The following SIPA1L3 variants were observed in gnomAD, a reference collection of about 807,000 sequenced individuals.
SIPA1L3 encodes the protein signal-induced proliferation-associated 1-like protein 3.
In SIPA1L3, 59 loss-of-function variants were observed where a neutral mutation model predicts 150.1. The observed-to-expected ratio is 0.39, with a 90% CI of 0.32 to 0.49. SIPA1L3 has a LOEUF of 0.49. SIPA1L3 is among the 20% of genes least tolerant of loss of function. The pLI is 0.86. For synonymous variants in SIPA1L3, 1,070 were observed against 1,077.6 expected (o/e 0.99, Z 0.14); for missense variants, 2,211 against 2,489.5 (o/e 0.89, Z 2.38).
intron 1 of SIPA1L3, among the ~76,000 whole-genome samples, chr19:37,913,872 A>G (rs532914126): frequency 1.5e-3 from 229 of 151,524 alleles, no homozygotes; most frequent in Non-Finnish European, 2.4e-3. Flanking sequence ...AAAATTAGCC[A>G]GGTGTGGTGA....
At chr19:38,049,798 G>A (rs912242298) in intron 2 of SIPA1L3, among the ~76,000 whole-genome samples, 33 of 152,088 alleles carry the variant, frequency 2.2e-4, no homozygotes, top group East Asian at 7.7e-4. Flanking sequence ...GGAGGGTCCC[G>A]CTTCCCCATA....
chr19:38,115,847 G>T (rs957209118), intron 8 of SIPA1L3, among the ~76,000 whole-genome samples: 6 of 152,248 alleles, frequency 3.9e-5, no homozygotes, highest in Non-Finnish European at 7.3e-5. Context: ...TGTTGATTTG[G>T]TATGTCCCTT....
At chr19:37,998,062 C>A (rs905028903) in intron 1 of SIPA1L3, among the ~76,000 whole-genome samples, 2 of 152,130 alleles carry the variant, frequency 1.3e-5, no homozygotes, top group Non-Finnish European at 2.9e-5. Context: ...AGTAGCTTTA[C>A]CTCTCTGTGC....
chr19:37,967,967 T>C, intron 1 of SIPA1L3, among the ~76,000 whole-genome samples: 1 of 152,142 alleles, frequency 6.6e-6, no homozygotes, highest in Non-Finnish European at 1.5e-5. Context: ...CCACTTACGT[T>C]ATTGATTCAT....
chr19:38,152,317 G>T (rs1293880651), intron 12 of SIPA1L3, among the ~76,000 whole-genome samples: 1 of 152,196 alleles, frequency 6.6e-6, no homozygotes, highest in Non-Finnish European at 1.5e-5. Flanking sequence ...GACAGCTAAG[G>T]AAACTGAGGC....
At chr19:38,094,908 A>T (rs921415794) in intron 4 of SIPA1L3, among the ~76,000 whole-genome samples, 2 of 152,012 alleles carry the variant, frequency 1.3e-5, no homozygotes, top group African/African-American at 4.8e-5. Context: ...CTCTACTAAA[A>T]ATACAAAAAT....
intron 1 of SIPA1L3, among the ~76,000 whole-genome samples, chr19:37,926,703 G>A (rs1050306129): frequency 5.3e-5 from 8 of 152,156 alleles, no homozygotes; most frequent in African/African-American, 1.7e-4. Context: ...GGGAGCGGGT[G>A]GGGGTGAAAT....
At chr19:38,063,916 C>A (rs1223167089) in intron 2 of SIPA1L3, among the ~76,000 whole-genome samples, 3 of 152,254 alleles carry the variant, frequency 2.0e-5, no homozygotes, top group Non-Finnish European at 4.4e-5. Context: ...GAGATCCCTG[C>A]AGGGCAGCCT....
intron 1 of SIPA1L3, among the ~76,000 whole-genome samples, chr19:38,004,646 C>G (rs1967894000): frequency 6.6e-6 from 1 of 152,228 alleles, no homozygotes; most frequent in Non-Finnish European, 1.5e-5. Flanking sequence ...TGCAAAACCT[C>G]AGAGCTCCTG....
chr19:38,188,171 TTTG>T (rs953893844), intron 16 of SIPA1L3, among the ~76,000 whole-genome samples: 29 of 151,872 alleles, frequency 1.9e-4, no homozygotes, highest in East Asian at 3.9e-4. Flanking sequence ...TTAAACATGT[TTTG>T]TTGTTGTGGT....
chr19:38,081,835 G>C lies in SIPA1L3; in HGVS notation c.270G>C (p.Arg90=). The change falls in exon 3 of 22, where the codon CGG becomes CGC. Residue 90 remains arginine, a synonymous_variant. Coordinates refer to ENST00000222345, the MANE Select transcript of SIPA1L3 (RefSeq NM_015073.3). ...RARVADWPPK[R]EALREHSNPS... ...GGGTGGCCGACTGGCCGCCCAAGCG[G>C]GAGGCCCTGAGAGAGCACAGCAACC... 6.2e-7 allele frequency: 1 copy of C among 1,613,870 alleles called. No homozygotes were observed. Among genetic ancestry groups the C allele is most frequent in the Non-Finnish European group, 8.5e-7 (1 of 1,179,894 alleles).
At chr19:37,990,998 T>G (rs1049674297) in intron 1 of SIPA1L3, among the ~76,000 whole-genome samples, 36 of 152,226 alleles carry the variant, frequency 2.4e-4, no homozygotes, top group African/African-American at 8.7e-4. Flanking sequence ...TTTGGGAGGC[T>G]GGGGTGGGCA....
intron 1 of SIPA1L3, chr19:37,932,345 G>C (rs1480750991): frequency 6.6e-6 from 1 of 152,274 alleles, no homozygotes; most frequent in Non-Finnish European, 1.5e-5. Flanking sequence ...TGATGAGTAA[G>C]GAGGCCTTTT....
chr19:38,151,538 C>T (rs1485277185), intron 12 of SIPA1L3, among the ~76,000 whole-genome samples: 2 of 152,134 alleles, frequency 1.3e-5, no homozygotes, highest in Non-Finnish European at 2.9e-5. Context: ...GTCTCATCAG[C>T]CAAAATTTTG....
intron 14 of SIPA1L3, among the ~76,000 whole-genome samples, chr19:38,163,227 C>T (rs964828575): frequency 7.9e-5 from 12 of 152,150 alleles, no homozygotes; most frequent in Admixed American, 7.2e-4. Flanking sequence ...CGGTGGCTCA[C>T]GCCTATAATC....
At chr19:38,016,973 T>A (rs1434117229) in intron 1 of SIPA1L3, among the ~76,000 whole-genome samples, 2 of 133,788 alleles carry the variant, frequency 1.5e-5, no homozygotes, top group Non-Finnish European at 1.5e-5. Context: ...CTCAGCTCAC[T>A]GCAGCCTCCG....
At chr19:37,924,591 T>G (rs2046485449) in intron 1 of SIPA1L3, among the ~76,000 whole-genome samples, 1 of 150,656 alleles carries the variant, frequency 6.6e-6, no homozygotes, top group Non-Finnish European at 1.5e-5. Flanking sequence ...GGCAGGAGAA[T>G]AGCTTGAATC....
At chr19:37,998,971 CCTAT>C (rs962971988) in intron 1 of SIPA1L3, among the ~76,000 whole-genome samples, 52 of 138,346 alleles carry the variant, frequency 3.8e-4, no homozygotes, top group African/African-American at 1.4e-3. Flanking sequence ...AAAAACCAGC[CCTAT>C]CTATCACACA....
In SIPA1L3 at chr19:38,082,598, G is replaced by A. The variant is rs1970024971; in HGVS notation, c.1033G>A (p.Val345Met). ...VCQKSFAHFD[V>M]QSMLFDLNEA... ...TCAGAAGAGCTTCGCCCACTTCGAC[G>A]TGCAGAGCATGCTGTTCGACCTCAA... Residue 345 changes from valine (V) to methionine (M), a missense_variant, in exon 3 of 22, where the codon GTG becomes ATG. Val to Met is a conservative substitution (Grantham distance 21, BLOSUM62 1). Coordinates refer to ENST00000222345, the MANE Select transcript of SIPA1L3 (RefSeq NM_015073.3). The A allele has an allele frequency of 1.2e-6, 2 of 1,604,210 alleles. No individual in the cohort carries two copies. Among genetic ancestry groups the A allele is most frequent in the Non-Finnish European group, 1.7e-6 (2 of 1,179,762 alleles).
Sources: gnomAD v4.1 joint callset for allele counts (sites outside exome capture counted in the v4.1 genomes callset) on GRCh38, gnomAD v4.1.1 for gene constraint, MANE v1.5 for transcripts, NCBI Gene and HGNC (gene_info 2026-07-23, HGNC 2026-07-21) for gene names.